The following DHRSX variants were observed in gnomAD, a reference collection of about 807,000 sequenced individuals.
The protein encoded by DHRSX is polyprenol dehydrogenase.
DHRSX carries 31 observed loss-of-function variants against 34.0 expected under a neutral mutation model. The ratio of observed to expected loss-of-function variants is 0.91; its 90% CI spans 0.69 to 1.23. DHRSX has a LOEUF of 1.23. Among genes scored for constraint, DHRSX ranks in the 50% most tolerant of loss-of-function variants. The probability of loss-of-function intolerance (pLI) is 0.00; values close to 1 mark genes in which losing one functional copy is unlikely to be tolerated. For synonymous variants in DHRSX, 201 were observed against 183.8 expected (o/e 1.09, Z -0.76); for missense variants, 414 against 428.1 (o/e 0.97, Z 0.29).
At chrX:2,480,446 C>A (rs1322178180) in intron 1 of DHRSX, among the ~76,000 whole-genome samples, 1 of 149,862 alleles carries the variant, frequency 6.7e-6, no homozygotes, top group Non-Finnish European at 1.5e-5. Flanking sequence ...CTATGGAAGG[C>A]TGAGGAAGGA....
chrX:2,399,743 C>CAAAAAAAAAAAAAAAAAAAAAAA (rs951340315), intron 3 of DHRSX, among the ~76,000 whole-genome samples: 1 of 54,644 alleles, frequency 1.8e-5, no homozygotes, highest in Admixed American at 2.0e-4. Flanking sequence ...AAAAAAAAAA[C>CAAAAAAAAAAAAAAAAAAAAAAA]AAAAAAACAC....
chrX:2,372,250 G>A (rs1377808374), intron 3 of DHRSX, among the ~76,000 whole-genome samples: 3 of 152,120 alleles, frequency 2.0e-5, no homozygotes, highest in Non-Finnish European at 4.4e-5. Flanking sequence ...ATCGGGTTGG[G>A]AAATCCATGC....
chrX:2,439,800 A>G (rs980379152), intron 1 of DHRSX, among the ~76,000 whole-genome samples: 9 of 152,082 alleles, frequency 5.9e-5, no homozygotes, highest in African/African-American at 2.2e-4. Context: ...CACTGATCTC[A>G]TAGGAGGCAG....
intron 6 of DHRSX, among the ~76,000 whole-genome samples, chrX:2,241,214 G>T: frequency 6.6e-6 from 1 of 152,216 alleles, no homozygotes; most frequent in South Asian, 2.1e-4. Flanking sequence ...CAAGGGAATG[G>T]CTGGGGCATG....
chrX:2,447,900 C>A (rs1178475362), intron 1 of DHRSX, among the ~76,000 whole-genome samples: 3 of 147,774 alleles, frequency 2.0e-5, no homozygotes, highest in Admixed American at 6.9e-5. Context: ...AAGAACATAA[C>A]ATTTCAGTTG....
intron 3 of DHRSX, among the ~76,000 whole-genome samples, chrX:2,353,978 G>A (rs191410674): frequency 2.0e-5 from 3 of 152,216 alleles, no homozygotes; most frequent in East Asian, 3.9e-4. Flanking sequence ...CAGGAAGAAG[G>A]CAGCGTATCC....
intron 3 of DHRSX, among the ~76,000 whole-genome samples, chrX:2,369,818 T>C (rs920307417): frequency 2.7e-4 from 41 of 151,744 alleles, no homozygotes; most frequent in Non-Finnish European, 5.6e-4. Context: ...CTATTTTTTG[T>C]ATTTTAGTAG....
chrX:2,237,168 A>G lies in DHRSX; in HGVS notation c.804+5855T>C, dbSNP rs189263724. 7.7e-3 allele frequency among the ~76,000 whole-genome samples: 1,176 copies of G among 152,132 alleles called. 11 individuals carry two copies. Among genetic ancestry groups the G allele is most frequent in the Non-Finnish European group, 0.013 (885 of 68,004 alleles). On this transcript the variant is annotated intron_variant, in intron 6 of 6. Transcript: ENST00000334651. ...ACCACTGCACTCCAGCCTGGGCAAC[A>G]GAGAGAGGTTCCATCTTAAAAAAAA...
intron 1 of DHRSX, among the ~76,000 whole-genome samples, chrX:2,479,427 A>C (rs906151802): frequency 6.8e-6 from 1 of 146,414 alleles, no homozygotes; most frequent in Non-Finnish European, 1.5e-5. Context: ...CACTGACGAC[A>C]TTCCGTAAGA....
intron 3 of DHRSX, among the ~76,000 whole-genome samples, chrX:2,379,500 C>A (rs2043179273): frequency 6.7e-6 from 1 of 150,190 alleles, no homozygotes; most frequent in Non-Finnish European, 1.5e-5. Context: ...AACGGATGAT[C>A]AATCACGACT....
intron 2 of DHRSX, among the ~76,000 whole-genome samples, chrX:2,424,734 T>G (rs1014864921): frequency 5.3e-5 from 8 of 152,200 alleles, no homozygotes; most frequent in African/African-American, 1.9e-4. Flanking sequence ...TTTTCTAGGT[T>G]GTGAATATCA....
chrX:2,341,965 C>T (rs1392044150), intron 3 of DHRSX, among the ~76,000 whole-genome samples: 4 of 152,042 alleles, frequency 2.6e-5, no homozygotes, highest in East Asian at 1.9e-4. Flanking sequence ...CTACCACTCC[C>T]GGCTAATTTT....
At chrX:2,365,644 A>G (rs2042986943) in intron 3 of DHRSX, among the ~76,000 whole-genome samples, 1 of 152,184 alleles carries the variant, frequency 6.6e-6, no homozygotes, top group Non-Finnish European at 1.5e-5. Flanking sequence ...AGAAATGGGT[A>G]AATCCTCACA....
At chrX:2,369,447 T>C (rs756053834) in intron 3 of DHRSX, among the ~76,000 whole-genome samples, 1 of 152,210 alleles carries the variant, frequency 6.6e-6, no homozygotes, top group African/African-American at 2.4e-5. Flanking sequence ...GTGTGGAGTA[T>C]TCGTGAGGGG....
chrX:2,462,568 T>A lies in DHRSX; in HGVS notation c.110-37264A>T, dbSNP rs766656577. 3.9e-5 allele frequency among the ~76,000 whole-genome samples: 6 copies of A among 152,034 alleles called. No individual in the cohort carries two copies. In the East Asian group the frequency reaches 1.2e-3, roughly 29 times the overall value. Reference sequence around the variant, plus strand: ...AAACAATGTTAGATAGTATCGGACATGCTGGGTTGGACACAGGACTGAAGG... The same window carrying A: ...AAACAATGTTAGATAGTATCGGACAAGCTGGGTTGGACACAGGACTGAAGG... On this transcript the variant is annotated intron_variant, in intron 1 of 6. Coordinates refer to ENST00000334651, the MANE Select transcript of DHRSX (RefSeq NM_145177.3).
At chrX:2,464,998 A>G (rs1349703062) in intron 1 of DHRSX, among the ~76,000 whole-genome samples, 1 of 151,688 alleles carries the variant, frequency 6.6e-6, no homozygotes, top group Non-Finnish European at 1.5e-5. Context: ...CCCGCCATGT[A>G]CACACTGAAG....
intron 3 of DHRSX, among the ~76,000 whole-genome samples, chrX:2,311,383 G>C (rs1284335245): frequency 6.6e-6 from 1 of 152,050 alleles, no homozygotes; most frequent in Non-Finnish European, 1.5e-5. Flanking sequence ...ACATCACTAC[G>C]AGAGAACTCA....
chrX:2,252,021 T>G (rs2016445606), intron 5 of DHRSX, among the ~76,000 whole-genome samples: 3 of 152,076 alleles, frequency 2.0e-5, no homozygotes, highest in Admixed American at 1.3e-4. Flanking sequence ...GTGGATCACC[T>G]GAGGCCAGGA....
rs764456221 is a variant in DHRSX at position 2,237,140 on chromosome X, C to T, written c.804+5883G>A. ...GGCGGAGGTTGCAGTGAGCCGAGAT[C>T]GCACCACTGCACTCCAGCCTGGGCA... On this transcript the variant is annotated intron_variant, in intron 6 of 6. Coordinates refer to ENST00000334651, the MANE Select transcript of DHRSX (RefSeq NM_145177.3). Among the ~76,000 whole-genome samples, 7 of 152,004 alleles carry T rather than the reference C, an allele frequency of 4.6e-5. No homozygotes were observed. In the East Asian group the frequency reaches 7.8e-4, roughly 17 times the overall value.
Sources: gnomAD v4.1 joint callset for allele counts (sites outside exome capture counted in the v4.1 genomes callset) on GRCh38, gnomAD v4.1.1 for gene constraint, MANE v1.5 for transcripts, NCBI Gene and HGNC (gene_info 2026-07-23, HGNC 2026-07-21) for gene names.